SLC39A11: variants seen among roughly 807,000 people sequenced by gnomAD.
The protein encoded by SLC39A11 is zinc transporter ZIP11.
SLC39A11 carries 33 observed loss-of-function variants against 36.1 expected under a neutral mutation model. The observed-to-expected ratio is 0.91, with a 90% confidence interval of 0.69 to 1.22. The LOEUF (loss-of-function observed/expected upper bound fraction) is 1.22. SLC39A11 is among the 50% of genes most tolerant of loss of function. SLC39A11 has a pLI of 0.00. For missense variants in SLC39A11, 432 were observed against 430.3 expected, an observed-to-expected ratio of 1.00 and a Z score of -0.03; for synonymous variants, 166 against 170.3, an observed-to-expected ratio of 0.97 and a Z score of 0.20.
rs115179626 is a variant in SLC39A11, at chr17:72,813,838, C to T, written c.601+35796G>A. 9.1e-3 allele frequency among the ~76,000 whole-genome samples: 1,382 copies of T among 152,248 alleles called. 19 individuals carry two copies. Among genetic ancestry groups the T allele is most frequent in the African/African-American group, 0.027 (1,142 of 41,550 alleles). ...GGCAGAGGGAGGCGGCAGAGAAGGA[C>T]CTGCATATTCCACTAATGAAGGCTA... is the stretch of plus-strand genomic sequence containing the variant. On this transcript the variant is annotated intron_variant, in intron 6 of 9. Transcript: ENST00000255559.
chr17:72,660,669 G>A (rs773736512), intron 7 of SLC39A11, among the ~76,000 whole-genome samples: 1 of 152,182 alleles, frequency 6.6e-6, no homozygotes, highest in Non-Finnish European at 1.5e-5. Flanking sequence ...CCAGACTCAG[G>A]GGGTTTCGAG....
At chr17:72,649,836 G>A (rs539726483) in intron 7 of SLC39A11, among the ~76,000 whole-genome samples, 1 of 152,032 alleles carries the variant, frequency 6.6e-6, no homozygotes, top group Admixed American at 6.5e-5. Context: ...CAAGTGATCT[G>A]CCTGCCTTGG....
intron 5 of SLC39A11, among the ~76,000 whole-genome samples, chr17:72,877,095 T>C (rs1347158620): frequency 6.6e-6 from 1 of 152,176 alleles, no homozygotes; most frequent in Non-Finnish European, 1.5e-5. Flanking sequence ...CATCATCTTA[T>C]CAAAAGAGCC....
intron 7 of SLC39A11, among the ~76,000 whole-genome samples, chr17:72,700,602 C>G (rs1207921811): frequency 6.6e-6 from 1 of 152,144 alleles, no homozygotes; most frequent in Non-Finnish European, 1.5e-5. Flanking sequence ...AAGGCAAGGG[C>G]AAGAAAGGGG....
At chr17:73,067,198 T>C (rs1050534122) in intron 3 of SLC39A11, among the ~76,000 whole-genome samples, 2 of 152,254 alleles carry the variant, frequency 1.3e-5, no homozygotes, top group African/African-American at 4.8e-5. Context: ...AACATTTAGC[T>C]GGGCAAGCTG....
rs752459010 is a variant in SLC39A11, at chr17:72,914,013, G to GA, written c.430+33738dup. On this transcript the variant is annotated intron_variant, in intron 5 of 9. Transcript: ENST00000255559. ...TACCATGAATTTAAAATAATTGAAAGAAAAAAAAAGGCTGGGTGTGGTGAT... is the reference window on the plus strand; with the variant it reads ...TACCATGAATTTAAAATAATTGAAAGAAAAAAAAAAGGCTGGGTGTGGTGAT... Among the ~76,000 whole-genome samples, 6 of 148,316 alleles carry GA rather than the reference G, an allele frequency of 4.0e-5. No homozygotes were observed. In the East Asian group the frequency reaches 6.0e-4, roughly 15 times the overall value.
intron 3 of SLC39A11, 124 bp from the exon 4 acceptor site, chr17:73,031,838 C>A: frequency 9.9e-7 from 1 of 1,006,298 alleles, no homozygotes. Context: ...AGTCTTTCGT[C>A]CCAGGTTGGG....
rs1184241307 is a variant in SLC39A11 at position 72,786,229 on chromosome 17, A to G, written c.602-49510T>C. Among the ~76,000 whole-genome samples, 11 of 152,362 alleles carry G rather than the reference A, an allele frequency of 7.2e-5. No individual in the cohort carries two copies. The East Asian group carries it at 2.1e-3, about 29-fold the overall frequency. On this transcript the variant is annotated intron_variant, in intron 6 of 9. Coordinates refer to ENST00000255559, the MANE Select transcript of SLC39A11 (RefSeq NM_139177.4). ...ACCCTTCCCATCCACAAACATATGG[A>G]AAACTTCTGTGAAGAATTTAAGTGT...
At chr17:73,049,148 C>A (rs1240531094) in intron 3 of SLC39A11, among the ~76,000 whole-genome samples, 2 of 152,212 alleles carry the variant, frequency 1.3e-5, no homozygotes, top group East Asian at 3.8e-4. Context: ...AGCTGGGATT[C>A]CAGACAGCCA....
intron 4 of SLC39A11, among the ~76,000 whole-genome samples, chr17:72,968,180 C>CCCCATGA (rs2087160658): frequency 6.6e-6 from 1 of 152,142 alleles, no homozygotes. Context: ...GCCCCAGAAA[C>CCCCATGA]CCCATGAGCT....
chr17:73,044,639 C>T (rs1313380853), intron 3 of SLC39A11, among the ~76,000 whole-genome samples: 7 of 151,868 alleles, frequency 4.6e-5, no homozygotes, highest in African/African-American at 1.2e-4. Context: ...TTTGGGAGGC[C>T]GAGGCAGGTG....
intron 7 of SLC39A11, among the ~76,000 whole-genome samples, chr17:72,687,978 G>A (rs1220593601): frequency 6.6e-6 from 1 of 152,156 alleles, no homozygotes; most frequent in Admixed American, 6.5e-5. Flanking sequence ...ACACCAGAGG[G>A]TCCCTTTGTA....
chr17:73,088,110 G>A (rs931529524), intron 2 of SLC39A11, among the ~76,000 whole-genome samples: 1 of 152,022 alleles, frequency 6.6e-6, no homozygotes, highest in African/African-American at 2.4e-5. Flanking sequence ...TTTGAGACCA[G>A]TGGTGAAATC....
intron 5 of SLC39A11, among the ~76,000 whole-genome samples, chr17:72,923,923 T>A (rs1380715369): frequency 6.6e-6 from 1 of 152,030 alleles, no homozygotes; most frequent in East Asian, 1.9e-4. Flanking sequence ...GGCGGGCTGA[T>A]CTTTTGAGCC....
At chr17:73,091,199 G>T (rs1350406064) in intron 1 of SLC39A11, among the ~76,000 whole-genome samples, 1 of 152,116 alleles carries the variant, frequency 6.6e-6, no homozygotes, top group African/African-American at 2.4e-5. Flanking sequence ...AGGCCAAGAC[G>T]GGCAGATCAC....
At chr17:72,776,862 C>T (rs2076154697) in intron 6 of SLC39A11, among the ~76,000 whole-genome samples, 1 of 152,190 alleles carries the variant, frequency 6.6e-6, no homozygotes, top group African/African-American at 2.4e-5. Context: ...ATCGAATCCC[C>T]ACCCCTCACC....
chr17:72,676,909 T>C (rs2071284794), intron 7 of SLC39A11, among the ~76,000 whole-genome samples: 1 of 152,230 alleles, frequency 6.6e-6, no homozygotes, highest in South Asian at 2.1e-4. Context: ...GAAGCCCATC[T>C]GGTGTAACTC....
chr17:72,895,158 A>G (rs1055559688), intron 5 of SLC39A11, among the ~76,000 whole-genome samples: 1 of 152,200 alleles, frequency 6.6e-6, no homozygotes, highest in Non-Finnish European at 1.5e-5. Context: ...GGGATGTGAC[A>G]GAACAGGCAG....
intron 6 of SLC39A11, among the ~76,000 whole-genome samples, chr17:72,747,044 C>T (rs2074967572): frequency 6.6e-6 from 1 of 152,272 alleles, no homozygotes; most frequent in South Asian, 2.1e-4. Context: ...GAGACTCTGG[C>T]TCTAATTTAA....
Sources: gnomAD v4.1 joint callset for allele counts (sites outside exome capture counted in the v4.1 genomes callset) on GRCh38, gnomAD v4.1.1 for gene constraint, MANE v1.5 for transcripts, NCBI Gene and HGNC (gene_info 2026-07-23, HGNC 2026-07-21) for gene names.